The following RBPMS variants were observed in gnomAD, a reference collection of about 807,000 sequenced individuals.
RBPMS encodes RNA binding protein, mRNA processing factor.
A neutral mutation model predicts 26.8 loss-of-function variants in RBPMS; 7 were observed. The ratio of observed to expected loss-of-function variants is 0.26; its 90% CI spans 0.15 to 0.49. The LOEUF is 0.49. RBPMS is among the 20% of genes least tolerant of loss of function. The pLI is 0.98. For synonymous variants in RBPMS, 96 were observed against 93.3 expected (o/e 1.03, Z -0.17); for missense variants, 186 against 250.0 (o/e 0.74, Z 1.73).
chr8:30,560,883 A>G (rs1827408958), intron 7 of RBPMS, among the ~76,000 whole-genome samples: 1 of 152,172 alleles, frequency 6.6e-6, no homozygotes, highest in Non-Finnish European at 1.5e-5. Flanking sequence ...GCCCCCATAT[A>G]TAGAGATCCT....
At chr8:30,470,974 A>G (rs1817031520) in intron 1 of RBPMS, among the ~76,000 whole-genome samples, 1 of 152,244 alleles carries the variant, frequency 6.6e-6, no homozygotes, top group Admixed American at 6.5e-5. Context: ...TAATATTGAT[A>G]CAAATATTGA....
chr8:30,470,182 A>G (rs112932874), intron 1 of RBPMS, among the ~76,000 whole-genome samples: 2,728 of 152,188 alleles, frequency 0.018, 67 homozygotes, highest in African/African-American at 0.061. Context: ...TCAGGAGTTC[A>G]AGACCAGGCT....
At chr8:30,422,108 ATTTTATTTTATTTTAT>A (rs1022162877) in intron 1 of RBPMS, among the ~76,000 whole-genome samples, 10 of 150,432 alleles carry the variant, frequency 6.6e-5, no homozygotes, top group South Asian at 2.1e-4. Flanking sequence ...TTATTTTTTT[ATTTTATTTTATTTTAT>A]TTTTATTTTA....
At chr8:30,393,072 G>C (rs1385516513) in intron 1 of RBPMS, among the ~76,000 whole-genome samples, 1 of 151,846 alleles carries the variant, frequency 6.6e-6, no homozygotes, top group Non-Finnish European at 1.5e-5. Flanking sequence ...TGTTTGGGAA[G>C]GGGAGAGAAT....
chr8:30,491,921 G>C (rs997452150), intron 4 of RBPMS, among the ~76,000 whole-genome samples: 1 of 151,454 alleles, frequency 6.6e-6, no homozygotes, highest in African/African-American at 2.4e-5. Flanking sequence ...ATGGAGTTTC[G>C]CTCTTGTCGC....
intron 5 of RBPMS, among the ~76,000 whole-genome samples, chr8:30,515,891 C>G (rs1251479078): frequency 3.3e-5 from 5 of 151,888 alleles, no homozygotes; most frequent in Non-Finnish European, 2.9e-5. Context: ...TCAAGCAATC[C>G]TCCCACCTCA....
At chr8:30,555,253 T>C (rs563759093) in intron 6 of RBPMS, among the ~76,000 whole-genome samples, 7 of 152,276 alleles carry the variant, frequency 4.6e-5, no homozygotes, top group Admixed American at 2.0e-4. Flanking sequence ...GCAGGGGCAC[T>C]GCATTTTCAG....
chr8:30,436,283 G>GCA (rs1812439273), intron 1 of RBPMS, among the ~76,000 whole-genome samples: 1 of 151,992 alleles, frequency 6.6e-6, no homozygotes, highest in South Asian at 2.1e-4. Context: ...TTTTACTATG[G>GCA]ACAGTTCCAA....
intron 1 of RBPMS, among the ~76,000 whole-genome samples, chr8:30,439,205 A>C (rs763464859): frequency 1.5e-4 from 23 of 152,232 alleles, no homozygotes; most frequent in Non-Finnish European, 2.6e-4. Context: ...TACTATGCTC[A>C]GGAAATAATG....
At chr8:30,533,151 A>C (rs1005226334) in intron 5 of RBPMS, among the ~76,000 whole-genome samples, 3 of 152,146 alleles carry the variant, frequency 2.0e-5, no homozygotes, top group Non-Finnish European at 2.9e-5. Flanking sequence ...ATTTTTTGTA[A>C]CTGGAGACTG....
rs572432393 is a variant in RBPMS at position 30,490,617 on chromosome 8, G to A, written c.246+11240G>A. Reference sequence around the variant, plus strand: ...TGGGATTACAGGCGCGTGCCTCCACGCCCGGCTAATTTTTTGTATATTTGG... The same window carrying A: ...TGGGATTACAGGCGCGTGCCTCCACACCCGGCTAATTTTTTGTATATTTGG... On this transcript the variant is annotated intron_variant, in intron 4 of 8. Coordinates refer to ENST00000397323, the MANE Select transcript of RBPMS (RefSeq NM_001008710.3). Among the ~76,000 whole-genome samples the A allele has an allele frequency of 3.9e-5, 6 of 152,204 alleles. No homozygotes were observed. In the East Asian group the frequency reaches 9.7e-4, roughly 25 times the overall value.
intron 1 of RBPMS, among the ~76,000 whole-genome samples, chr8:30,391,117 C>T (rs996312245): frequency 5.3e-5 from 8 of 152,172 alleles, no homozygotes; most frequent in Non-Finnish European, 1.2e-4. Flanking sequence ...AAAATTACTT[C>T]CATCCCTTTG....
At chr8:30,497,656 G>A (rs1282877441) in intron 4 of RBPMS, among the ~76,000 whole-genome samples, 2 of 151,690 alleles carry the variant, frequency 1.3e-5, no homozygotes, top group South Asian at 2.1e-4. Flanking sequence ...TTGCTCTGTC[G>A]CCCAGGCTGG....
intron 1 of RBPMS, among the ~76,000 whole-genome samples, chr8:30,453,298 G>A (rs551135218): frequency 5.3e-4 from 81 of 152,240 alleles, no homozygotes; most frequent in African/African-American, 1.9e-3. Context: ...CAGCCCCCAC[G>A]TTAGATCTAC....
intron 1 of RBPMS, among the ~76,000 whole-genome samples, chr8:30,463,809 G>C (rs1426591055): frequency 2.0e-5 from 3 of 152,152 alleles, no homozygotes; most frequent in Admixed American, 6.6e-5. Flanking sequence ...ATGTGTTTTT[G>C]GTTGTTCTGT....
At chr8:30,557,525 G>C (rs1356921963) in intron 6 of RBPMS, among the ~76,000 whole-genome samples, 7 of 152,186 alleles carry the variant, frequency 4.6e-5, no homozygotes, top group Admixed American at 4.6e-4. Flanking sequence ...CTTTCCACCA[G>C]TCCCTTCAGA....
At chr8:30,548,734 G>A (rs7840356) in intron 6 of RBPMS, among the ~76,000 whole-genome samples, 120,979 of 152,196 alleles carry the variant, frequency 0.79, 48,373 homozygotes, top group African/African-American at 0.89. Context: ...GGGCCTGGGA[G>A]TAGTGGGTGG....
At chr8:30,492,877 A>G (rs1819544389) in intron 4 of RBPMS, among the ~76,000 whole-genome samples, 1 of 152,000 alleles carries the variant, frequency 6.6e-6, no homozygotes, top group Non-Finnish European at 1.5e-5. Flanking sequence ...TTTGGTGCCA[A>G]ATTCACTGAT....
chr8:30,411,209 C>T (rs117946769), intron 1 of RBPMS, among the ~76,000 whole-genome samples: 2 of 152,292 alleles, frequency 1.3e-5, no homozygotes, highest in Non-Finnish European at 2.9e-5. Flanking sequence ...CTTCTCACTT[C>T]CTCCTGTATG....
Sources: gnomAD v4.1 joint callset for allele counts (sites outside exome capture counted in the v4.1 genomes callset) on GRCh38, gnomAD v4.1.1 for gene constraint, MANE v1.5 for transcripts, NCBI Gene and HGNC (gene_info 2026-07-23, HGNC 2026-07-21) for gene names.